The following PAM variants were observed in gnomAD, a reference collection of about 807,000 sequenced individuals.
The protein encoded by PAM is peptidyl-glycine alpha-amidating monooxygenase.
In PAM, 72 loss-of-function variants were observed where a neutral mutation model predicts 122.1. The ratio of observed to expected loss-of-function variants is 0.59; its 90% CI spans 0.49 to 0.72. The LOEUF is 0.72. Among genes scored for constraint, PAM ranks in the 30% least tolerant of loss-of-function variants. The probability of loss-of-function intolerance (pLI) is 0.00; values close to 1 mark genes in which losing one functional copy is unlikely to be tolerated. For synonymous variants in PAM, 389 were observed against 404.4 expected, an observed-to-expected ratio of 0.96 and a Z score of 0.46; for missense variants, 1,106 against 1,183.7, an observed-to-expected ratio of 0.93 and a Z score of 0.96.
chr5:102,966,621 G>GA (rs1764163599), intron 14 of PAM, among the ~76,000 whole-genome samples: 1 of 152,030 alleles, frequency 6.6e-6, no homozygotes, highest in African/African-American at 2.4e-5. Flanking sequence ...AACCCGAAGG[G>GA]AAAATCAGTT....
chr5:102,887,293 TTCTC>T (rs1361520716), intron 3 of PAM, among the ~76,000 whole-genome samples: 1 of 151,960 alleles, frequency 6.6e-6, no homozygotes, highest in Non-Finnish European at 1.5e-5. Flanking sequence ...CTCCCTTTGT[TTCTC>T]TCTCTTGCCT....
Position 102,911,976 on chromosome 5 carries a change from T to C in PAM, c.269-1958T>C, listed in dbSNP as rs1479061125. Among the ~76,000 whole-genome samples, 3 of 152,046 alleles carry C rather than the reference T, an allele frequency of 2.0e-5. No individual in the cohort carries two copies. The East Asian group carries it at 5.8e-4, about 29-fold the overall frequency. ...AGCTTCAGGGTTCAATTTTTGAATG[T>C]TTCCCAAATATGTAATTCTCTGACC... On this transcript the variant is annotated intron_variant, in intron 4 of 25. Transcript: ENST00000438793.
At chr5:102,993,432 G>A (rs1774756095) in intron 16 of PAM, among the ~76,000 whole-genome samples, 1 of 152,062 alleles carries the variant, frequency 6.6e-6, no homozygotes, top group Non-Finnish European at 1.5e-5. Context: ...GGTGTACTAT[G>A]CAGAACTCAC....
chr5:102,953,831 T>G (rs909645260), intron 12 of PAM, among the ~76,000 whole-genome samples: 1 of 152,126 alleles, frequency 6.6e-6, no homozygotes, highest in African/African-American at 2.4e-5. Context: ...TTGGCCAACA[T>G]GGTGAAACCC....
intron 1 of PAM, among the ~76,000 whole-genome samples, chr5:102,785,492 GGA>G: frequency 6.6e-6 from 1 of 152,176 alleles, no homozygotes; most frequent in Non-Finnish European, 1.5e-5. Context: ...AGTATCATGT[GGA>G]GGTAAGAAGA....
chr5:102,834,967 A>C (rs1167241899), intron 1 of PAM, among the ~76,000 whole-genome samples: 1 of 152,130 alleles, frequency 6.6e-6, no homozygotes, highest in African/African-American at 2.4e-5. Context: ...CAAGTATTGT[A>C]TGTAGAGACC....
intron 1 of PAM, among the ~76,000 whole-genome samples, chr5:102,845,895 A>G (rs1051071675): frequency 6.6e-6 from 1 of 152,146 alleles, no homozygotes; most frequent in East Asian, 1.9e-4. Flanking sequence ...TTCAAAATGT[A>G]AGCTTCCTTT....
intron 3 of PAM, among the ~76,000 whole-genome samples, chr5:102,890,617 G>A (rs1381979787): frequency 6.6e-6 from 1 of 151,848 alleles, no homozygotes; most frequent in African/African-American, 2.4e-5. Context: ...ATATATTGAT[G>A]ATAATTTAGA....
chr5:102,913,969 C>A lies in PAM; in HGVS notation c.304C>A (p.His102Asn). Residue 102 changes from histidine to asparagine, a missense_variant, in exon 5 of 26, where the codon CAT becomes AAT. This residue lies in a region of PAM where 670 missense variants were observed against 690.3 expected (regional missense o/e 0.97). Transcript: ENST00000438793. ...GCCTCGAGCCAGCATGGATACTGTC[C>A]ATCACATGTTACTTTTTGGATGCAA... The part of the protein sequence containing the change: ...FKPRASMDTV[H>N]HMLLFGCNMP... 6.2e-7 allele frequency: 1 copy of A among 1,607,814 alleles called. No homozygotes were observed. Among genetic ancestry groups the A allele is most frequent in the Non-Finnish European group, 8.5e-7 (1 of 1,174,622 alleles).
At chr5:102,772,016 T>G (rs949246248) in intron 1 of PAM, among the ~76,000 whole-genome samples, 1 of 152,140 alleles carries the variant, frequency 6.6e-6, no homozygotes, top group Admixed American at 6.6e-5. Context: ...GACATTTGGG[T>G]CAAGTCTTAA....
intron 12 of PAM, 149 bp downstream of exon 12, chr5:102,950,969 T>TGATTGATTCA: frequency 1.8e-6 from 1 of 569,064 alleles, no homozygotes; most frequent in Non-Finnish European, 3.1e-6. Flanking sequence ...ATTTCAAAGC[T>TGATTGATTCA]GATTGATTCA....
chr5:102,880,823 A>C (rs1790740493), intron 3 of PAM, among the ~76,000 whole-genome samples: 1 of 152,288 alleles, frequency 6.6e-6, no homozygotes, highest in South Asian at 2.1e-4. Flanking sequence ...TAAAAATAAT[A>C]AATAGGTTTA....
intron 14 of PAM, among the ~76,000 whole-genome samples, chr5:102,968,723 A>T (rs1312495691): frequency 6.6e-6 from 1 of 152,194 alleles, no homozygotes; most frequent in Non-Finnish European, 1.5e-5. Context: ...CAGAATAGAA[A>T]TAGAAAATAC....
rs147227505 is a variant in PAM, at chr5:102,852,593, A to G, written c.-373-13230A>G. On this transcript the variant is annotated intron_variant, in intron 1 of 25. Transcript: ENST00000438793. ...GATCAAAGAAGTTTTTTTAATTTGT[A>G]TGATTTCTTCAGTGTTTTAAAGAGG... is the stretch of plus-strand genomic sequence containing the variant. Among the ~76,000 whole-genome samples the G allele has an allele frequency of 5.5e-3, 832 of 152,246 alleles. 10 individuals carry two copies. The highest frequency in any genetic ancestry group is 0.019 in the African/African-American group (785 of 41,566).
intron 1 of PAM, among the ~76,000 whole-genome samples, chr5:102,864,338 A>C (rs1000777837): frequency 3.9e-5 from 6 of 152,072 alleles, no homozygotes; most frequent in Non-Finnish European, 7.4e-5. Context: ...GGATAAGGAT[A>C]AAGCTGAAGG....
chr5:102,769,569 A>G (rs1191738707), intron 1 of PAM, among the ~76,000 whole-genome samples: 3 of 152,096 alleles, frequency 2.0e-5, no homozygotes, highest in Admixed American at 1.3e-4. Flanking sequence ...TCTTTTCCAT[A>G]TGAGTATCCA....
intron 1 of PAM, among the ~76,000 whole-genome samples, chr5:102,766,926 ATTTTTTTT>A: frequency 1.9e-3 from 48 of 25,852 alleles, no homozygotes; most frequent in South Asian, 4.0e-3. Context: ...TCAGTTGTGG[ATTTTTTTT>A]TTTTTTTTTT....
At chr5:102,805,273 T>C (rs922994654) in intron 1 of PAM, among the ~76,000 whole-genome samples, 1 of 152,152 alleles carries the variant, frequency 6.6e-6, no homozygotes, top group East Asian at 1.9e-4. Flanking sequence ...TTTCACCATA[T>C]TGGCCAGGCT....
rs139411131 is a variant in PAM at position 102,817,591 on chromosome 5, T to A, written c.-373-48232T>A. On this transcript the variant is annotated intron_variant, in intron 1 of 25. Coordinates refer to ENST00000438793, the MANE Select transcript of PAM (RefSeq NM_001177306.2). ...TACTATCAGAAAATTAAAAATTAAA[T>A]GTATGGTTCACATTATATTTTTATT... Among the ~76,000 whole-genome samples, 919 of 152,276 alleles carry A rather than the reference T, an allele frequency of 6.0e-3. 12 individuals are homozygous for A. The highest frequency in any genetic ancestry group is 0.021 in the African/African-American group (863 of 41,564).
Sources: gnomAD v4.1 joint callset for allele counts (sites outside exome capture counted in the v4.1 genomes callset) on GRCh38, gnomAD v4.1.1 for gene constraint, gnomAD v4.1.1 regional missense constraint, MANE v1.5 for transcripts, NCBI Gene and HGNC (gene_info 2026-07-23, HGNC 2026-07-21) for gene names.